PCDHA3: variants seen among roughly 807,000 people sequenced by gnomAD.
PCDHA3 encodes the protein protocadherin alpha-3.
In PCDHA3, 41 loss-of-function variants were observed where a neutral mutation model predicts 62.2. The ratio of observed to expected loss-of-function variants is 0.66; its 90% CI spans 0.51 to 0.86. The LOEUF (loss-of-function observed/expected upper bound fraction) is 0.86. Among genes scored for constraint, PCDHA3 ranks in the 40% least tolerant of loss-of-function variants. The probability of loss-of-function intolerance (pLI) is 0.00; values close to 1 mark genes in which losing one functional copy is unlikely to be tolerated. For synonymous variants in PCDHA3, 640 were observed against 555.4 expected, an observed-to-expected ratio of 1.15 and a Z score of -2.14; for missense variants, 1,304 against 1,241.2, an observed-to-expected ratio of 1.05 and a Z score of -0.76.
At chr5:140,977,227 A>G (rs149467858) in intron 1 of PCDHA3, among the ~76,000 whole-genome samples, 4 of 152,288 alleles carry the variant, frequency 2.6e-5, no homozygotes, top group African/African-American at 7.2e-5. Context: ...ATGTTACCCA[A>G]TCATAGAAAA....
intron 1 of PCDHA3, chr5:140,813,911 A>T (rs1765400735): frequency 6.6e-6 from 1 of 152,288 alleles, no homozygotes; most frequent in East Asian, 1.9e-4. Context: ...AAGTGGGAGG[A>T]TCCTTGACTT....
Position 140,848,651 on chromosome 5 carries a change from G to A in PCDHA3, c.2394+45060G>A. ...TCGTGGGCCGCATCGCGCAGGACCT[G>A]GGGCTGGAGCTGGCGGAGCTGGTGC... is the stretch of plus-strand genomic sequence containing the variant. On this transcript the variant is annotated intron_variant, in intron 1 of 3. Transcript: ENST00000522353. The A allele has an allele frequency of 1.3e-6, 2 of 1,592,962 alleles. 1 individual carries two copies. The highest frequency in any genetic ancestry group is 1.7e-6 in the Non-Finnish European group (2 of 1,163,756).
Position 140,801,326 on chromosome 5 carries a change from C to T in PCDHA3, c.129C>T (p.Thr43=), listed in dbSNP as rs782180915. Residue 43 remains threonine, a synonymous_variant, in exon 1 of 4, where the codon ACC becomes ACT. Coordinates refer to ENST00000522353, the MANE Select transcript of PCDHA3 (RefSeq NM_018906.3). Reference sequence around the variant, plus strand: ...TCTCTGAGGAGGCCAAGCATGGCACCTTCGTGGGCCGCATCGCGCAGGACC... The same window carrying T: ...TCTCTGAGGAGGCCAAGCATGGCACTTTCGTGGGCCGCATCGCGCAGGACC... ...YSVSEEAKHG[T]FVGRIAQDLG... The T allele has an allele frequency of 8.1e-6, 13 of 1,613,174 alleles. No individual in the cohort carries two copies. Among genetic ancestry groups the T allele is most frequent in the Non-Finnish European group, 1.1e-5 (13 of 1,179,918 alleles).
intron 1 of PCDHA3, among the ~76,000 whole-genome samples, chr5:140,874,504 C>A (rs2054953142): frequency 6.6e-6 from 1 of 152,198 alleles, no homozygotes; most frequent in Admixed American, 6.5e-5. Flanking sequence ...AGTTCACATT[C>A]TCTTGACTTT....
chr5:140,828,565 C>T (rs2150156833), intron 1 of PCDHA3: 65 of 1,614,050 alleles, frequency 4.0e-5, no homozygotes, highest in Admixed American at 6.7e-5. Context: ...AGGGCGCGTC[C>T]GATGCAGATG....
intron 1 of PCDHA3, among the ~76,000 whole-genome samples, chr5:140,827,159 G>T (rs13181143): frequency 0.48 from 72,226 of 151,928 alleles, 17,745 homozygotes; most frequent in Middle Eastern, 0.61. Context: ...ATATGGATTT[G>T]TAAATACCTC....
intron 1 of PCDHA3, among the ~76,000 whole-genome samples, chr5:140,934,913 G>A (rs1226804104): frequency 1.3e-5 from 2 of 152,062 alleles, no homozygotes; most frequent in African/African-American, 4.8e-5. Flanking sequence ...GAATAATTAT[G>A]GATTCACATA....
In PCDHA3 at chr5:140,843,242, G is replaced by T. The variant is rs2150355808; in HGVS notation, c.2394+39651G>T. On this transcript the variant is annotated intron_variant, in intron 1 of 3. Transcript: ENST00000522353. Reference sequence around the variant, plus strand: ...CACCACTCGTGTCCTGGACGAAGCGGACTCTCCGCGCCACCGTCTGCTGGT... The same window carrying T: ...CACCACTCGTGTCCTGGACGAAGCGTACTCTCCGCGCCACCGTCTGCTGGT... 2.5e-5 allele frequency: 40 copies of T among 1,596,002 alleles called. 3 individuals carry two copies. In the African/African-American group the frequency reaches 3.4e-4, roughly 13 times the overall value.
chr5:140,805,351 T>C, intron 1 of PCDHA3: 2 of 1,208,666 alleles, frequency 1.7e-6, no homozygotes, highest in Non-Finnish European at 2.1e-6. Context: ...TTTGTAAAAA[T>C]ATAGTTTGGG....
intron 1 of PCDHA3, chr5:140,852,531 C>G (rs1197831362): frequency 2.2e-6 from 1 of 450,452 alleles, no homozygotes; most frequent in African/African-American, 2.1e-5. Context: ...CCACCTCGGC[C>G]TCCCAAAGTG....
intron 1 of PCDHA3, among the ~76,000 whole-genome samples, chr5:140,838,385 A>G (rs1344951461): frequency 2.0e-5 from 3 of 151,298 alleles, no homozygotes; most frequent in Admixed American, 6.6e-5. Flanking sequence ...CAGCCTCCCA[A>G]TGTGCTGGGA....
chr5:140,996,365 T>C (rs1017086317), intron 3 of PCDHA3, among the ~76,000 whole-genome samples: 4 of 152,196 alleles, frequency 2.6e-5, no homozygotes, highest in African/African-American at 9.7e-5. Context: ...GAAGCCATTT[T>C]GTTGTCGGCT....
intron 1 of PCDHA3, among the ~76,000 whole-genome samples, chr5:140,955,031 A>C (rs782110698): frequency 6.6e-6 from 1 of 152,166 alleles, no homozygotes; most frequent in Non-Finnish European, 1.5e-5. Flanking sequence ...TAAATAGGGA[A>C]TCTTTTCCTC....
Position 140,801,895 on chromosome 5 carries a change from T to C in PCDHA3, c.698T>C (p.Leu233Ser), listed in dbSNP as rs782383281. The C allele has an allele frequency of 6.2e-7, 1 of 1,614,068 alleles. No homozygotes were observed. Among genetic ancestry groups the C allele is most frequent in the East Asian group, 2.2e-5 (1 of 44,904 alleles). Residue 233 changes from leucine to serine, a missense_variant, in exon 1 of 4, where the codon TTA (leucine) becomes TCA (serine). Transcript: ENST00000522353. The stretch of plus-strand genomic sequence containing the variant: ...ACGACTCAACTAAAGATCACTGTTT[T>C]AGATGTAAACGACAACGCCCCAGCG... ...TGTTQLKITV[L>S]DVNDNAPAFE... is the part of the protein sequence containing the mutation.
chr5:140,857,161 C>G (rs782653443), intron 1 of PCDHA3: 1 of 1,598,332 alleles, frequency 6.3e-7, no homozygotes, highest in Non-Finnish European at 8.6e-7. Flanking sequence ...TTGCCCTAAT[C>G]AGCGTTTCTG....
chr5:140,959,622 A>T (rs1489618654), intron 1 of PCDHA3, among the ~76,000 whole-genome samples: 1 of 152,194 alleles, frequency 6.6e-6, no homozygotes, highest in Admixed American at 6.5e-5. Flanking sequence ...TTGTGATAGA[A>T]AAAAAGAGAG....
intron 1 of PCDHA3, chr5:140,884,803 C>A: frequency 1.6e-6 from 2 of 1,225,132 alleles, no homozygotes; most frequent in Non-Finnish European, 2.2e-6. Context: ...AATTTAACAA[C>A]TCTGCTGTGG....
At chr5:140,999,806 A>G (rs1230100139) in intron 3 of PCDHA3, among the ~76,000 whole-genome samples, 1 of 152,152 alleles carries the variant, frequency 6.6e-6, no homozygotes, top group African/African-American at 2.4e-5. Context: ...TTTGGGCACA[A>G]AGCAAGAGCT....
chr5:140,865,649 T>C (rs781986812), intron 1 of PCDHA3: 5 of 152,204 alleles, frequency 3.3e-5, no homozygotes, highest in Non-Finnish European at 5.9e-5. Flanking sequence ...AATACATTAT[T>C]TCATTTAATA....
Sources: gnomAD v4.1 joint callset for allele counts (sites outside exome capture counted in the v4.1 genomes callset) on GRCh38, gnomAD v4.1.1 for gene constraint, MANE v1.5 for transcripts, NCBI Gene and HGNC (gene_info 2026-07-23, HGNC 2026-07-21) for gene names.